ZMYM1: variants seen among roughly 807,000 people sequenced by gnomAD.
ZMYM1 encodes the protein zinc finger MYM-type protein 1.
A neutral mutation model predicts 60.0 loss-of-function variants in ZMYM1; 39 were observed. That is an observed-to-expected ratio of 0.65 (90% CI 0.50 to 0.85). ZMYM1 has a LOEUF of 0.85. ZMYM1 is among the 40% of genes least tolerant of loss of function. The probability of loss-of-function intolerance (pLI) is 0.00; values close to 1 mark genes in which losing one functional copy is unlikely to be tolerated. For missense variants in ZMYM1, 1,171 were observed against 1,309.5 expected, an observed-to-expected ratio of 0.89 and a Z score of 1.63; for synonymous variants, 413 against 454.0, an observed-to-expected ratio of 0.91 and a Z score of 1.15.
chr1:35,113,557 A>G lies in ZMYM1; in HGVS notation c.1727A>G (p.Gln576Arg), dbSNP rs759073947. ...TGTTTACCCTTAAGAGGAAACGACC[A>G]GTCAGTTTCATCTGTGAATAAAGGC... ...KQCLPLRGND[Q>R]SVSSVNKGNF... The change falls in exon 10 of 10, where the codon CAG becomes CGG. Residue 576 changes from glutamine (Q) to arginine (R), a missense_variant. Gln to Arg is a conservative substitution (Grantham distance 43). Transcript: ENST00000359858. 2.5e-6 allele frequency: 4 copies of G among 1,613,518 alleles called. No homozygotes were observed. Among genetic ancestry groups the G allele is most frequent in the Admixed American group, 3.3e-5 (2 of 59,916 alleles).
Position 35,113,036 on chromosome 1 carries a change from G to A in ZMYM1, c.1206G>A (p.Gln402=). The change falls in exon 10 of 10, where the codon CAG becomes CAA. Residue 402 remains glutamine (Q), a synonymous_variant. Coordinates refer to ENST00000359858, the MANE Select transcript of ZMYM1 (RefSeq NM_024772.5). ...SNAVASSSTE[Q]PSVSPSSSVF... ...CTGTTGCTAGTAGTAGTACGGAACA[G>A]CCAAGCGTTTCACCATCTTCATCAG... 6.2e-7 allele frequency: 1 copy of A among 1,613,604 alleles called. No individual in the cohort carries two copies.
At chr1:35,062,441 G>T (rs1641893083) in intron 1 of ZMYM1, among the ~76,000 whole-genome samples, 1 of 152,140 alleles carries the variant, frequency 6.6e-6, no homozygotes, top group South Asian at 2.1e-4. Context: ...TCTTTTATTT[G>T]CCATTTCTAT....
chr1:35,078,458 T>C (rs1185800067), upstream of ZMYM1, among the ~76,000 whole-genome samples: 1 of 150,752 alleles, frequency 6.6e-6, no homozygotes, highest in African/African-American at 2.5e-5. Context: ...CGTCCTATAC[T>C]TTTTTAGGTG....
chr1:35,065,229 T>A (rs969353930), intron 1 of ZMYM1, among the ~76,000 whole-genome samples: 1 of 151,714 alleles, frequency 6.6e-6, no homozygotes, highest in African/African-American at 2.4e-5. Flanking sequence ...CTCCACAACC[T>A]ACTCTGCCTG....
chr1:35,091,361 G>GC (rs1486966116), intron 1 of ZMYM1, among the ~76,000 whole-genome samples: 1 of 151,992 alleles, frequency 6.6e-6, no homozygotes, highest in Non-Finnish European at 1.5e-5. Flanking sequence ...ACAGGTGCCT[G>GC]CCACCACGCC....
At chr1:35,108,211 A>G (rs983181098) in intron 6 of ZMYM1, among the ~76,000 whole-genome samples, 1 of 152,252 alleles carries the variant, frequency 6.6e-6, no homozygotes, top group African/African-American at 2.4e-5. Flanking sequence ...AAAGTTGTTC[A>G]TACTAATAAA....
At chr1:35,088,322 G>A (rs917676514) in intron 1 of ZMYM1, among the ~76,000 whole-genome samples, 3 of 151,200 alleles carry the variant, frequency 2.0e-5, no homozygotes, top group Non-Finnish European at 4.4e-5. Flanking sequence ...GGATGCTCAG[G>A]CAGGAGAATC....
intron 7 of ZMYM1, among the ~76,000 whole-genome samples, chr1:35,111,491 T>C (rs1362792027): frequency 1.3e-5 from 2 of 152,208 alleles, no homozygotes; most frequent in African/African-American, 4.8e-5. Flanking sequence ...AAAAATTTGC[T>C]CATAATTTTA....
chr1:35,104,630 C>T lies in ZMYM1; in HGVS notation c.668C>T (p.Ser223Phe), dbSNP rs1201778949. 6.2e-7 allele frequency: 1 copy of T among 1,614,060 alleles called. No individual in the cohort carries two copies. The highest frequency in any genetic ancestry group is 8.5e-7 in the Non-Finnish European group (1 of 1,180,034). ...CSNACLSKFH[S>F]ANNFIMNCCE... Reference sequence around the variant, plus strand: ...AATGCCTGCCTTTCAAAGTTTCACTCTGCTAACAACTTCATCATGAACTGC... The same window carrying T: ...AATGCCTGCCTTTCAAAGTTTCACTTTGCTAACAACTTCATCATGAACTGC... The change falls in exon 6 of 10, where the codon TCT becomes TTT. Residue 223 changes from serine to phenylalanine, a missense_variant. Ser to Phe is a radical substitution (Grantham distance 155). Coordinates refer to ENST00000359858, the MANE Select transcript of ZMYM1 (RefSeq NM_024772.5).
At chr1:35,108,869 C>T (rs1424157771) in intron 6 of ZMYM1, among the ~76,000 whole-genome samples, 11 of 152,092 alleles carry the variant, frequency 7.2e-5, no homozygotes, top group African/African-American at 2.2e-4. Flanking sequence ...CGCCACCACA[C>T]CTGGTTAATG....
chr1:35,091,639 C>T (rs1417447494), intron 1 of ZMYM1, among the ~76,000 whole-genome samples: 1 of 151,154 alleles, frequency 6.6e-6, no homozygotes. Context: ...GGACACCTGT[C>T]GTTGAAGCAC....
In ZMYM1 at chr1:35,114,924, CATT is replaced by C. The variant is rs757398151; in HGVS notation, c.3097_3099del (p.Tyr1033del). On this transcript the variant is annotated inframe_deletion, in exon 10 of 10. Transcript: ENST00000359858. ...TATCCCAGAACTTAGATTTTATCGA[CATT>C]ATGCAAAGCTTAACTTTGTCATAGA... 5 of 1,613,128 alleles carry C rather than the reference CATT, an allele frequency of 3.1e-6. No individual in the cohort carries two copies.
At chr1:35,088,378 G>A (rs1395164048) in intron 1 of ZMYM1, among the ~76,000 whole-genome samples, 4 of 147,294 alleles carry the variant, frequency 2.7e-5, no homozygotes, top group East Asian at 4.0e-4. Context: ...TGATCGTACC[G>A]CTGCACTCCA....
chr1:35,078,801 G>A (rs1172870717), upstream of ZMYM1, among the ~76,000 whole-genome samples: 2 of 151,732 alleles, frequency 1.3e-5, no homozygotes, highest in African/African-American at 4.8e-5. Flanking sequence ...CACCCGCCTC[G>A]GCCTCCCAAA....
At chr1:35,080,242 C>T (rs1569861324) in intron 1 of ZMYM1, among the ~76,000 whole-genome samples, 1 of 152,060 alleles carries the variant, frequency 6.6e-6, no homozygotes. Context: ...GTTCCTTCTA[C>T]TAGCACTCTT....
upstream of ZMYM1, chr1:35,079,110 A>G (rs1434460329): frequency 2.6e-5 from 4 of 152,200 alleles, no homozygotes. Context: ...TTACTAGCAC[A>G]CAGCTAATAA....
intron 1 of ZMYM1, chr1:35,093,470 T>C (rs1394705197): frequency 1.3e-5 from 2 of 152,272 alleles, no homozygotes; most frequent in African/African-American, 4.8e-5. Context: ...CGGCTAATTT[T>C]TGTATTAGTA....
intron 6 of ZMYM1, among the ~76,000 whole-genome samples, chr1:35,106,886 C>G (rs1440604685): frequency 2.6e-5 from 4 of 151,364 alleles, no homozygotes; most frequent in Non-Finnish European, 5.9e-5. Flanking sequence ...GAGTCTCGCT[C>G]TGTCGCCCAG....
chr1:35,068,492 A>G (rs1642013696), intron 1 of ZMYM1, among the ~76,000 whole-genome samples: 3 of 151,404 alleles, frequency 2.0e-5, no homozygotes, highest in African/African-American at 7.2e-5. Flanking sequence ...GGATAGACAC[A>G]TAGATTCATG....
Sources: allele counts gnomAD v4.1 joint callset (sites outside exome capture counted in the v4.1 genomes callset), GRCh38; gene constraint gnomAD v4.1.1; transcripts MANE v1.5; gene names NCBI Gene and HGNC (gene_info 2026-07-23, HGNC 2026-07-21).